The following JAKMIP1 variants were observed in gnomAD, a reference collection of about 807,000 sequenced individuals.
JAKMIP1 encodes janus kinase and microtubule-interacting protein 1.
A neutral mutation model predicts 113.0 loss-of-function variants in JAKMIP1; 33 were observed. The ratio of observed to expected loss-of-function variants is 0.29; its 90% CI spans 0.22 to 0.39. The LOEUF (loss-of-function observed/expected upper bound fraction) is 0.39, where lower values mean the gene tolerates loss of function less well. Among genes scored for constraint, JAKMIP1 ranks in the 10% least tolerant of loss-of-function variants. The probability of loss-of-function intolerance (pLI) is 1.00; values close to 1 mark genes in which losing one functional copy is unlikely to be tolerated. For missense variants in JAKMIP1, 813 were observed against 1,080.5 expected (o/e 0.75, Z 3.47); for synonymous variants, 480 against 459.9 (o/e 1.04, Z -0.56).
In JAKMIP1 at chr4:6,080,364, G is replaced by A. The variant is rs1720330888; in HGVS notation, c.1102-52C>T. The A allele has an allele frequency of 6.3e-7, 1 of 1,595,542 alleles. No individual in the cohort carries two copies. The highest frequency in any genetic ancestry group is 8.5e-7 in the Non-Finnish European group (1 of 1,170,204). ...ACAGGGTTACCCGCCAACAGTGTTT[G>A]TTAGGGACAGTGCTGGAGTGGAGCT... On this transcript the variant is annotated intron_variant, in intron 6 of 20. Transcript: ENST00000409021. The surrounding 1 kb of genome is among the most constrained non-coding windows in gnomAD (Gnocchi z 6.0).
intron 1 of JAKMIP1, among the ~76,000 whole-genome samples, chr4:6,149,113 G>C (rs4398593): frequency 0.11 from 17,312 of 152,228 alleles, 2,847 homozygotes; most frequent in African/African-American, 0.37. Flanking sequence ...CACAGCCTTA[G>C]AGAAGGGCCA....
At position 6,126,371 on chromosome 4, in the gene JAKMIP1, G is replaced by GCACAAACACACACCATGCAGAAACA. The variant is rs149868835; in HGVS notation, c.-147-13375_-147-13374insTGTTTCTGCATGGTGTGTGTTTGTG. On this transcript the variant is annotated intron_variant, in intron 1 of 20. Transcript: ENST00000409021. ...ACACACCATGCAGAAACACACACAT[G>GCACAAACACACACCATGCAGAAACA]CACAAACACACATCATACAGAAACA... 2.4e-4 allele frequency among the ~76,000 whole-genome samples: 28 copies of GCACAAACACACACCATGCAGAAACA among 117,584 alleles called. 1 individual carries two copies. The highest frequency in any genetic ancestry group is 8.6e-4 in the African/African-American group (24 of 27,834). The allele number at this position is 117,584 out of a possible 152,430, so 77.1% of individuals were successfully genotyped here.
rs1232845666 is a variant in JAKMIP1, at chr4:6,049,117, T to C, written c.1963-195A>G. 1.3e-5 allele frequency among the ~76,000 whole-genome samples: 2 copies of C among 150,978 alleles called. No homozygotes were observed. Among genetic ancestry groups the C allele is most frequent in the Non-Finnish European group, 3.0e-5 (2 of 67,648 alleles). ...ATCTCGGCTCACTGTAACCTCTGCC[T>C]CCTGGGTTCAAGTGATTCTCTTGCC... On this transcript the variant is annotated intron_variant, in intron 15 of 20. Coordinates refer to ENST00000409021, the MANE Select transcript of JAKMIP1 (RefSeq NM_001099433.2). This position sits in a 1 kb window ranked among gnomAD's most constrained non-coding sequence, Gnocchi z 7.0.
intron 1 of JAKMIP1, among the ~76,000 whole-genome samples, chr4:6,159,835 A>G (rs766815488): frequency 1.3e-5 from 2 of 152,236 alleles, no homozygotes; most frequent in African/African-American, 2.4e-5. Context: ...ATCCACAAAG[A>G]TGGGCCTGGC....
Position 6,080,068 on chromosome 4 carries a change from C to A in JAKMIP1, c.1242+104G>T, listed in dbSNP as rs1720278471. On this transcript the variant is annotated intron_variant, in intron 7 of 20. Transcript: ENST00000409021. The surrounding 1 kb of genome is among the most constrained non-coding windows in gnomAD (Gnocchi z 6.0). ...AAAGTCAGCACTGCCTGACCCTGAC[C>A]CAGCTCAGCAGCATCACCCTGAGCC... is the stretch of plus-strand genomic sequence containing the variant. 14 of 1,349,548 alleles carry A rather than the reference C, an allele frequency of 1.0e-5. No individual in the cohort carries two copies. The highest frequency in any genetic ancestry group is 1.4e-5 in the Non-Finnish European group (14 of 1,001,300). The allele number at this position is 1,349,548 out of a possible 1,614,324, so 83.6% of individuals were successfully genotyped here. A position where few individuals can be genotyped will look rare whatever the true frequency, so the allele number is the denominator to read the frequency against.
In JAKMIP1 at chr4:6,156,786, GT is replaced by G. The variant is rs904919440; in HGVS notation, c.-148+43466del. ...CAGCTCCACTGTCCCCAGATGTCTG[GT>G]CTTGGGAATCTCATGGCCACACCTG... On this transcript the variant is annotated intron_variant, in intron 1 of 20. Coordinates refer to ENST00000409021, the MANE Select transcript of JAKMIP1 (RefSeq NM_001099433.2). This position sits in a 1 kb window ranked among gnomAD's most constrained non-coding sequence, Gnocchi z 5.0. Among the ~76,000 whole-genome samples the G allele has an allele frequency of 1.3e-5, 2 of 152,236 alleles. No homozygotes were observed. Among genetic ancestry groups the G allele is most frequent in the African/African-American group, 4.8e-5 (2 of 41,454 alleles).
chr4:6,098,846 C>T (rs1364064864), intron 3 of JAKMIP1, among the ~76,000 whole-genome samples: 3 of 152,184 alleles, frequency 2.0e-5, no homozygotes, highest in African/African-American at 7.2e-5. Flanking sequence ...ACCCCACACC[C>T]GGAGGTCATC....
intron 7 of JAKMIP1, among the ~76,000 whole-genome samples, chr4:6,079,599 C>T (rs1046912363): frequency 2.6e-5 from 4 of 152,180 alleles, no homozygotes; most frequent in Non-Finnish European, 5.9e-5. Context: ...TGCCTGTTGC[C>T]GAAGTTCCTT....
rs1720427236 is a variant in JAKMIP1, at chr4:6,143,381, C to G, written c.-147-30384G>C. ...CTTTGCCATCAGCAAGGCCTCGAAA[C>G]TCAGCTGCCACCAACTCCTCTCTGG... On this transcript the variant is annotated intron_variant, in intron 1 of 20. Transcript: ENST00000409021. This position sits in a 1 kb window ranked among gnomAD's most constrained non-coding sequence, Gnocchi z 4.9. Among the ~76,000 whole-genome samples the G allele has an allele frequency of 6.6e-6, 1 of 152,196 alleles. No homozygotes were observed. The highest frequency in any genetic ancestry group is 2.1e-4 in the South Asian group (1 of 4,832).
intron 2 of JAKMIP1, among the ~76,000 whole-genome samples, chr4:6,109,348 T>A (rs1001288959): frequency 6.6e-6 from 1 of 151,868 alleles, no homozygotes; most frequent in South Asian, 2.1e-4. Flanking sequence ...TTAGCCAGGA[T>A]GGTCTCGATC....
intron 16 of JAKMIP1, among the ~76,000 whole-genome samples, chr4:6,046,625 G>A (rs1310920953): frequency 1.3e-5 from 2 of 152,166 alleles, no homozygotes; most frequent in Non-Finnish European, 2.9e-5. Flanking sequence ...GTGGGCAGCT[G>A]CCAGGCGAGC....
intron 3 of JAKMIP1, among the ~76,000 whole-genome samples, chr4:6,103,031 A>T (rs1713337940): frequency 6.6e-6 from 1 of 152,134 alleles, no homozygotes; most frequent in Admixed American, 6.6e-5. Flanking sequence ...TTTATATTTG[A>T]CATCCTGGCC....
intron 1 of JAKMIP1, among the ~76,000 whole-genome samples, chr4:6,130,225 C>A (rs1162032409): frequency 6.6e-6 from 1 of 152,202 alleles, no homozygotes; most frequent in African/African-American, 2.4e-5. Context: ...AGCGGGGACG[C>A]AATGAGAATT....
Position 6,178,905 on chromosome 4 carries a change from C to T in JAKMIP1, c.-148+21348G>A, listed in dbSNP as rs1725707202. 6.6e-6 allele frequency among the ~76,000 whole-genome samples: 1 copy of T among 152,198 alleles called. No individual in the cohort carries two copies. Among genetic ancestry groups the T allele is most frequent in the South Asian group, 2.1e-4 (1 of 4,828 alleles). On this transcript the variant is annotated intron_variant, in intron 1 of 20. Transcript: ENST00000409021. The surrounding 1 kb of genome is among the most constrained non-coding windows in gnomAD (Gnocchi z 5.5). ...CATGGGATTGTTCACCAGCTGTCTCCCTGCCCCGGCACAGTGCCTGGCTCG... is the reference window on the plus strand; with the variant it reads ...CATGGGATTGTTCACCAGCTGTCTCTCTGCCCCGGCACAGTGCCTGGCTCG...
chr4:6,150,034 G>A lies in JAKMIP1; in HGVS notation c.-147-37037C>T, dbSNP rs1721375611. The stretch of plus-strand genomic sequence containing the variant: ...TTGCCTAAATCTCACATCCTCCAAG[G>A]TCAATTACACACTCATTCTTCCAAG... On this transcript the variant is annotated intron_variant, in intron 1 of 20. Coordinates refer to ENST00000409021, the MANE Select transcript of JAKMIP1 (RefSeq NM_001099433.2). The surrounding 1 kb of genome is among the most constrained non-coding windows in gnomAD (Gnocchi z 4.8). 1.3e-5 allele frequency among the ~76,000 whole-genome samples: 2 copies of A among 152,082 alleles called. No individual in the cohort carries two copies. Among genetic ancestry groups the A allele is most frequent in the African/African-American group, 4.8e-5 (2 of 41,412 alleles).
rs1245997215 is a variant in JAKMIP1 at position 6,065,305 on chromosome 4, C to CTAA, written c.1303-298_1303-297insTTA. ...TGGCCCCTGGAGCACCAGCCTCCTT[C>CTAA]TCTAGCAAATGGATTGAGAAGCCAC... On this transcript the variant is annotated intron_variant, in intron 8 of 20. Transcript: ENST00000409021. This position sits in a 1 kb window ranked among gnomAD's most constrained non-coding sequence, Gnocchi z 5.1. 6.6e-6 allele frequency among the ~76,000 whole-genome samples: 1 copy of CTAA among 152,240 alleles called. No individual in the cohort carries two copies. Among genetic ancestry groups the CTAA allele is most frequent in the Non-Finnish European group, 1.5e-5 (1 of 68,052 alleles).
At chr4:6,198,947 G>C (rs1242095054) in intron 1 of JAKMIP1, among the ~76,000 whole-genome samples, 1 of 152,224 alleles carries the variant, frequency 6.6e-6, no homozygotes, top group East Asian at 1.9e-4. Flanking sequence ...TGGAGCCCTG[G>C]GAGAGGGGCT....
At chr4:6,060,283 T>C (rs1426147298) in intron 11 of JAKMIP1, 141 bp downstream of exon 11, 3 of 697,980 alleles carry the variant, frequency 4.3e-6, no homozygotes, top group East Asian at 2.5e-5. Flanking sequence ...TGGGTTCTGC[T>C]AGTGTTTTTT....
chr4:6,109,775 G>A (rs1714615500), intron 2 of JAKMIP1, among the ~76,000 whole-genome samples: 1 of 152,066 alleles, frequency 6.6e-6, no homozygotes, highest in Non-Finnish European at 1.5e-5. Flanking sequence ...CTTTAAATGG[G>A]ACATTGACAG....
Sources: gnomAD v4.1 joint callset for allele counts (sites outside exome capture counted in the v4.1 genomes callset) on GRCh38, gnomAD v4.1.1 for gene constraint, Gnocchi (gnomAD v3.1) non-coding constraint, MANE v1.5 for transcripts, NCBI Gene and HGNC (gene_info 2026-07-23, HGNC 2026-07-21) for gene names.